FREM3: variants seen among roughly 807,000 people sequenced by gnomAD.
FREM3 encodes the protein FRAS1-related extracellular matrix protein 3.
A neutral mutation model predicts 129.1 loss-of-function variants in FREM3; 105 were observed. The ratio of observed to expected loss-of-function variants is 0.81; its 90% CI spans 0.69 to 0.96. The LOEUF (loss-of-function observed/expected upper bound fraction) is 0.96, where lower values mean the gene tolerates loss of function less well. Among genes scored for constraint, FREM3 ranks in the 40% least tolerant of loss-of-function variants. The pLI is 0.00. For missense variants in FREM3, 2,593 were observed against 2,666.3 expected, an observed-to-expected ratio of 0.97 and a Z score of 0.61; for synonymous variants, 1,014 against 1,044.9, an observed-to-expected ratio of 0.97 and a Z score of 0.57.
At chr4:143,605,040 T>C (rs1738644604) in intron 6 of FREM3, among the ~76,000 whole-genome samples, 1 of 152,160 alleles carries the variant, frequency 6.6e-6, no homozygotes. Context: ...TGTAGTCCTG[T>C]ACTAAGCAAG....
At chr4:143,672,564 T>C (rs568343230) in intron 2 of FREM3, among the ~76,000 whole-genome samples, 2 of 152,332 alleles carry the variant, frequency 1.3e-5, no homozygotes, top group African/African-American at 2.4e-5. Context: ...CTGACAATTA[T>C]GCGTCTTGGA....
Position 143,698,646 on chromosome 4 carries a change from TG to T in FREM3, c.2029del (p.Gln677ArgfsTer25), listed in dbSNP as rs1740628109. 1 of 1,537,728 alleles carries T rather than the reference TG, an allele frequency of 6.5e-7. No individual in the cohort carries two copies. Among genetic ancestry groups the T allele is most frequent in the Admixed American group, 2.0e-5 (1 of 50,992 alleles). Reference sequence around the variant, plus strand: ...GAGATTGGGTGGGTCATGGTCATCCTGCACATGGAAAGCCAGCTGGACCATT... The same window carrying T: ...GAGATTGGGTGGGTCATGGTCATCCTCACATGGAAAGCCAGCTGGACCATT... ...SVMVQLAFHV[Q>X]DDHDPPNLSK... On this transcript the variant is annotated frameshift_variant, in exon 1 of 8. Transcript: ENST00000329798. LOFTEE classifies it high-confidence loss of function.
chr4:143,629,578 A>AT (rs1578841986), intron 2 of FREM3, among the ~76,000 whole-genome samples: 1 of 152,062 alleles, frequency 6.6e-6, no homozygotes, highest in African/African-American at 2.4e-5. Context: ...TAAAAACCAT[A>AT]TTTTTTACAG....
chr4:143,601,543 A>G (rs1005326977), intron 6 of FREM3, among the ~76,000 whole-genome samples: 2 of 152,226 alleles, frequency 1.3e-5, no homozygotes, highest in African/African-American at 4.8e-5. Context: ...AAGTGCTTAT[A>G]TATAGAACAG....
At chr4:143,672,080 C>T (rs1000172413) in intron 2 of FREM3, among the ~76,000 whole-genome samples, 3 of 152,140 alleles carry the variant, frequency 2.0e-5, no homozygotes, top group East Asian at 1.9e-4. Context: ...CACTGGCTAG[C>T]GAGCTAGAAA....
At position 143,697,591 on chromosome 4, in the gene FREM3, G is replaced by GA. The variant is rs1740599898; in HGVS notation, c.3084dup (p.Gln1029SerfsTer23). On this transcript the variant is annotated frameshift_variant, in exon 1 of 8. Coordinates refer to ENST00000329798, the MANE Select transcript of FREM3 (RefSeq NM_001168235.2). LOFTEE classifies it high-confidence loss of function. ...AGGCTGAAGGCATCGTGCTGCTTTT[G>GA]AAAACCAACTTCACCTGCAGTGTGG... 1 of 1,537,664 alleles carries GA rather than the reference G, an allele frequency of 6.5e-7. No individual in the cohort carries two copies. The highest frequency in any genetic ancestry group is 1.7e-4 in the Middle Eastern group (1 of 5,992).
chr4:143,630,226 A>G (rs900887431), intron 2 of FREM3, among the ~76,000 whole-genome samples: 6 of 152,128 alleles, frequency 3.9e-5, no homozygotes, highest in African/African-American at 1.4e-4. Flanking sequence ...GACCGGCACA[A>G]ATTAGGTGCT....
In FREM3 at chr4:143,696,437, G is replaced by A. The variant is rs980844300; in HGVS notation, c.4239C>T (p.His1413=). ...VTDGVNTLTD[H]YFYVTIGNLD... ...AGTTGCCAATGGTGACATAGAAGTA[G>A]TGGTCTGTCAAAGTGTTAACCCCAT... is the stretch of plus-strand genomic sequence containing the variant. The change falls in exon 1 of 8, where the codon CAC becomes CAT. Residue 1413 remains histidine, a synonymous_variant. Coordinates refer to ENST00000329798, the MANE Select transcript of FREM3 (RefSeq NM_001168235.2). 81 of 1,537,534 alleles carry A rather than the reference G, an allele frequency of 5.3e-5. No homozygotes were observed. The highest frequency in any genetic ancestry group is 6.6e-5 in the Non-Finnish European group (76 of 1,147,008).
At position 143,695,681 on chromosome 4, in the gene FREM3, G is replaced by C; in HGVS notation, c.4995C>G (p.Asn1665Lys). 6.5e-7 allele frequency: 1 copy of C among 1,537,228 alleles called. No individual in the cohort carries two copies. Among genetic ancestry groups the C allele is most frequent in the Non-Finnish European group, 8.7e-7 (1 of 1,146,908 alleles). Residue 1665 changes from asparagine (N) to lysine (K), a missense_variant, in exon 1 of 8, where the codon AAC becomes AAG. Asn to Lys is a moderately conservative substitution (Grantham distance 94). Around this residue, in one of 2 missense-constraint regions of FREM3, gnomAD observed 2,276 missense variants for 2,267.2 expected, o/e 1.00. Coordinates refer to ENST00000329798, the MANE Select transcript of FREM3 (RefSeq NM_001168235.2). ...LDNRLPQITT[N>K]RGAPALKRLH... Reference sequence around the variant, plus strand: ...GGCGCTTCAAGGCTGGGGCACCCCTGTTGGTAGTAATCTGGGGAAGCCTAT... The same window carrying C: ...GGCGCTTCAAGGCTGGGGCACCCCTCTTGGTAGTAATCTGGGGAAGCCTAT...
chr4:143,624,233 A>G lies in FREM3; in HGVS notation c.5528T>C (p.Val1843Ala). The stretch of plus-strand genomic sequence containing the variant: ...ATATTCATTGTCAGGTATAATTCTC[A>G]CCCTCCATGTGGCTGTAGTCTGTCC... ...NPGQTTATWR[V>A]RIIPDNEYET... The change falls in exon 4 of 8, where the codon GTG (valine) becomes GCG (alanine). Residue 1843 changes from valine to alanine, a missense_variant. Transcript: ENST00000329798. 1.3e-6 allele frequency: 2 copies of G among 1,531,466 alleles called. No homozygotes were observed. The highest frequency in any genetic ancestry group is 1.8e-6 in the Non-Finnish European group (2 of 1,141,820). 94.9% of individuals were successfully genotyped at this position (1,531,466 alleles called of 1,614,324 possible). A position where few individuals can be genotyped will look rare whatever the true frequency, so the allele number is the denominator to read the frequency against.
At chr4:143,679,930 A>G (rs1364300214) in intron 2 of FREM3, among the ~76,000 whole-genome samples, 2 of 152,162 alleles carry the variant, frequency 1.3e-5, no homozygotes, top group Non-Finnish European at 2.9e-5. Context: ...AACCCATTAC[A>G]TTATTATAAT....
At position 143,697,151 on chromosome 4, in the gene FREM3, G is replaced by T. The variant is rs774969406; in HGVS notation, c.3525C>A (p.Asn1175Lys). Residue 1175 changes from asparagine to lysine, a missense_variant, in exon 1 of 8, where the codon AAC becomes AAA. By Grantham distance (94) the Asn-to-Lys change is moderately conservative. Transcript: ENST00000329798. ...TAGGGAAGAAGACATTTGGGGAGAA[G>T]TTGATGCCATCAGAGCAATAAAAGG... is the stretch of plus-strand genomic sequence containing the variant. ...QFTFYCSDGI[N>K]FSPNVFFPII... is the part of the protein sequence containing the mutation. 1 of 1,537,896 alleles carries T rather than the reference G, an allele frequency of 6.5e-7. No individual in the cohort carries two copies. Among genetic ancestry groups the T allele is most frequent in the South Asian group, 1.2e-5 (1 of 84,058 alleles).
intron 2 of FREM3, among the ~76,000 whole-genome samples, chr4:143,692,903 T>C (rs914593872): frequency 6.6e-6 from 1 of 152,198 alleles, no homozygotes; most frequent in African/African-American, 2.4e-5. Context: ...CATTGCTTTT[T>C]CTTCCTAAAA....
chr4:143,657,850 A>G (rs1739629232), intron 2 of FREM3, among the ~76,000 whole-genome samples: 1 of 151,940 alleles, frequency 6.6e-6, no homozygotes, highest in South Asian at 2.1e-4. Context: ...CCCAAGCTAA[A>G]CTCATTATTC....
chr4:143,621,221 A>G, intron 4 of FREM3, 59 bp from the exon 5 acceptor site: 1 of 1,477,362 alleles, frequency 6.8e-7, no homozygotes, highest in Non-Finnish European at 9.1e-7. Flanking sequence ...TGATATTTAA[A>G]CACACCTGAG....
chr4:143,639,917 A>T (rs1326537734), intron 2 of FREM3, among the ~76,000 whole-genome samples: 1 of 152,160 alleles, frequency 6.6e-6, no homozygotes, highest in Non-Finnish European at 1.5e-5. Flanking sequence ...CTAGTAAAAA[A>T]AAAATGTAAA....
chr4:143,593,885 A>G (rs1023463728), intron 6 of FREM3, among the ~76,000 whole-genome samples: 1 of 152,176 alleles, frequency 6.6e-6, no homozygotes, highest in Admixed American at 6.5e-5. Flanking sequence ...GGCTCTACCC[A>G]GTTTGAGCTT....
Position 143,698,327 on chromosome 4 carries a change from A to G in FREM3, c.2349T>C (p.His783=). 6.5e-7 allele frequency: 1 copy of G among 1,537,832 alleles called. No homozygotes were observed. The highest frequency in any genetic ancestry group is 8.7e-7 in the Non-Finnish European group (1 of 1,147,038). The change falls in exon 1 of 8, where the codon CAT becomes CAC. Residue 783 remains histidine, a synonymous_variant. Coordinates refer to ENST00000329798, the MANE Select transcript of FREM3 (RefSeq NM_001168235.2). ...MHFTQAQVNQ[H]KVAYQPPQKL... ...TCTGTGGAGGCTGGTAGGCAACTTT[A>G]TGCTGATTTACCTGGGCTTGGGTAA...
At chr4:143,674,725 A>G (rs1740074487) in intron 2 of FREM3, among the ~76,000 whole-genome samples, 1 of 152,230 alleles carries the variant, frequency 6.6e-6, no homozygotes, top group Non-Finnish European at 1.5e-5. Context: ...AAACAAAAAA[A>G]AGCAGGGGTT....
Sources: gnomAD v4.1 joint callset for allele counts (sites outside exome capture counted in the v4.1 genomes callset) on GRCh38, gnomAD v4.1.1 for gene constraint, gnomAD v4.1.1 regional missense constraint, MANE v1.5 for transcripts, NCBI Gene and HGNC (gene_info 2026-07-23, HGNC 2026-07-21) for gene names.